Variants in ZBTB20 observed in about 807,000 individuals in gnomAD.
ZBTB20 encodes zinc finger and BTB domain containing 20, also known as zinc finger and BTB domain-containing protein 20.
Under a neutral mutation model 56.9 loss-of-function variants are expected in ZBTB20, and 9 were observed. That is an observed-to-expected ratio of 0.16 (90% CI 0.10 to 0.28). ZBTB20 has a LOEUF of 0.28. Ranked by LOEUF, ZBTB20 falls within the 10% of genes least tolerant of loss-of-function variation. ZBTB20 has a pLI of 1.00. For missense variants in ZBTB20, 655 were observed against 1,003.0 expected (o/e 0.65, Z 4.69); for synonymous variants, 417 against 420.7 (o/e 0.99, Z 0.11).
chr3:114,501,677 CTGCCCATCATTG>C (rs1216093387), intron 6 of ZBTB20, among the ~76,000 whole-genome samples: 2 of 143,592 alleles, frequency 1.4e-5, no homozygotes, highest in Non-Finnish European at 3.0e-5. Context: ...TAGGACTGGT[CTGCCCATCATTG>C]TGCTTTGTTT....
At chr3:114,758,884 A>G (rs1450963020) in intron 5 of ZBTB20, 1 of 152,142 alleles carries the variant, frequency 6.6e-6, no homozygotes, top group East Asian at 1.9e-4. Context: ...ATGCACACAC[A>G]ATCACACTTA....
At chr3:114,455,138 GGAGA>G (rs1456145350) in intron 7 of ZBTB20, among the ~76,000 whole-genome samples, 1 of 150,844 alleles carries the variant, frequency 6.6e-6, no homozygotes, top group Non-Finnish European at 1.5e-5. Flanking sequence ...GGAACAGGAG[GGAGA>G]GAGAGAGAAA....
intron 4 of ZBTB20, among the ~76,000 whole-genome samples, chr3:114,885,384 T>C (rs928367945): frequency 6.6e-6 from 1 of 152,194 alleles, no homozygotes; most frequent in African/African-American, 2.4e-5. Context: ...TGCCTCCGGA[T>C]TACCAGCCAT....
intron 7 of ZBTB20, among the ~76,000 whole-genome samples, chr3:114,399,508 A>G (rs2086633034): frequency 6.6e-6 from 1 of 152,188 alleles, no homozygotes; most frequent in Non-Finnish European, 1.5e-5. Flanking sequence ...GTAGTAATCA[A>G]TAATAAGTAT....
At chr3:114,581,283 GA>G (rs1577727962) in intron 6 of ZBTB20, among the ~76,000 whole-genome samples, 1 of 151,890 alleles carries the variant, frequency 6.6e-6, no homozygotes, top group Non-Finnish European at 1.5e-5. Flanking sequence ...AGAAGGATTA[GA>G]GATCTAAATG....
intron 6 of ZBTB20, among the ~76,000 whole-genome samples, chr3:114,544,413 C>CTTTCT (rs1553747054): frequency 1.5e-3 from 13 of 8,918 alleles, no homozygotes; most frequent in African/African-American, 6.0e-3. Context: ...TTTCTTCTTT[C>CTTTCT]TTTCTTTCTT....
At chr3:114,357,103 A>C (rs2081334508) in intron 10 of ZBTB20, 1 of 152,164 alleles carries the variant, frequency 6.6e-6, no homozygotes, top group Admixed American at 6.5e-5. Context: ...TTACTTACCC[A>C]TTCTTGGGTG....
At chr3:115,142,885 G>A (rs907438018) in intron 1 of ZBTB20, among the ~76,000 whole-genome samples, 5 of 152,078 alleles carry the variant, frequency 3.3e-5, no homozygotes, top group African/African-American at 7.2e-5. Flanking sequence ...AGGTATAAGC[G>A]TGACAAACCC....
At chr3:114,561,461 A>T (rs2052040287) in intron 6 of ZBTB20, among the ~76,000 whole-genome samples, 1 of 152,122 alleles carries the variant, frequency 6.6e-6, no homozygotes, top group Non-Finnish European at 1.5e-5. Flanking sequence ...CCCTTGATCC[A>T]TGGGCTGCTA....
At chr3:115,091,394 C>T (rs761173474) in intron 1 of ZBTB20, among the ~76,000 whole-genome samples, 23 of 152,054 alleles carry the variant, frequency 1.5e-4, no homozygotes, top group Admixed American at 7.2e-4. Context: ...TCATTTTATA[C>T]ATAGGAAGTA....
chr3:114,990,305 A>G (rs1385392372), intron 2 of ZBTB20, among the ~76,000 whole-genome samples: 1 of 152,170 alleles, frequency 6.6e-6, no homozygotes, highest in Non-Finnish European at 1.5e-5. Context: ...GAGAGTTTTT[A>G]GCATGAAGGG....
At chr3:114,689,586 G>A (rs2062573972) in intron 6 of ZBTB20, among the ~76,000 whole-genome samples, 1 of 152,128 alleles carries the variant, frequency 6.6e-6, no homozygotes, top group Non-Finnish European at 1.5e-5. Context: ...CCTGAAGCAA[G>A]AGAAAAAGGT....
chr3:114,924,119 T>C (rs952965660), intron 3 of ZBTB20, among the ~76,000 whole-genome samples: 19 of 152,136 alleles, frequency 1.2e-4, no homozygotes, highest in African/African-American at 4.1e-4. Context: ...TGTAAATTGG[T>C]ATAGCCATTA....
chr3:114,715,192 T>C (rs566430064), intron 5 of ZBTB20, among the ~76,000 whole-genome samples: 17 of 152,232 alleles, frequency 1.1e-4, no homozygotes, highest in Non-Finnish European at 1.9e-4. Context: ...TAGCAATTAC[T>C]GCCGCTCAAA....
chr3:115,144,395 G>A (rs974236555), intron 1 of ZBTB20, among the ~76,000 whole-genome samples: 1 of 151,968 alleles, frequency 6.6e-6, no homozygotes, highest in African/African-American at 2.4e-5. Context: ...TTTCACTAAT[G>A]CAACAAAAAT....
At chr3:114,497,988 AG>A (rs1337098529) in intron 7 of ZBTB20, among the ~76,000 whole-genome samples, 1 of 152,156 alleles carries the variant, frequency 6.6e-6, no homozygotes, top group Non-Finnish European at 1.5e-5. Context: ...TGACAGTAAG[AG>A]TGAGGGATAA....
At chr3:114,437,932 T>C (rs2090625044) in intron 7 of ZBTB20, among the ~76,000 whole-genome samples, 1 of 152,018 alleles carries the variant, frequency 6.6e-6, no homozygotes, top group Non-Finnish European at 1.5e-5. Context: ...ATCTCTGGGG[T>C]CTGCTCCAGG....
intron 6 of ZBTB20, among the ~76,000 whole-genome samples, chr3:114,548,199 T>C (rs1434176228): frequency 6.6e-6 from 1 of 152,244 alleles, no homozygotes; most frequent in Non-Finnish European, 1.5e-5. Flanking sequence ...AATAGTTATA[T>C]TGTGGATTCT....
chr3:115,136,744 T>G (rs1300503016), intron 1 of ZBTB20, among the ~76,000 whole-genome samples: 2 of 152,126 alleles, frequency 1.3e-5, no homozygotes, highest in Non-Finnish European at 2.9e-5. Flanking sequence ...GTAGAATATT[T>G]GAATCAGAAG....
Sources: gnomAD v4.1 joint callset for allele counts (sites outside exome capture counted in the v4.1 genomes callset) on GRCh38, gnomAD v4.1.1 for gene constraint, MANE v1.5 for transcripts, NCBI Gene and HGNC (gene_info 2026-07-23, HGNC 2026-07-21) for gene names.